CCNY: variants seen among roughly 807,000 people sequenced by gnomAD.
CCNY encodes cyclin Y, also known as cyclin-Y.
In CCNY, 19 loss-of-function variants were observed where a neutral mutation model predicts 42.8. That is an observed-to-expected ratio of 0.44 (90% CI 0.31 to 0.65). The LOEUF (loss-of-function observed/expected upper bound fraction) is 0.65. Among genes scored for constraint, CCNY ranks in the 30% least tolerant of loss-of-function variants. CCNY has a pLI of 0.07. For missense variants in CCNY, 370 were observed against 437.3 expected (o/e 0.85, Z 1.37); for synonymous variants, 165 against 162.7 (o/e 1.01, Z -0.11).
intron 1 of CCNY, among the ~76,000 whole-genome samples, chr10:35,481,452 AT>A (rs1388233361): frequency 7.9e-5 from 12 of 152,204 alleles, no homozygotes; most frequent in Non-Finnish European, 1.5e-4. Context: ...AAAGCTTCAC[AT>A]TTTTTGATTG....
intron 9 of CCNY, among the ~76,000 whole-genome samples, chr10:35,567,073 C>T (rs987270297): frequency 4.6e-5 from 7 of 152,214 alleles, no homozygotes; most frequent in African/African-American, 1.7e-4. Context: ...AAATTATGTC[C>T]CCCCAAAAAG....
At chr10:35,345,132 A>G (rs1036655050) in intron 1 of CCNY, among the ~76,000 whole-genome samples, 1 of 152,172 alleles carries the variant, frequency 6.6e-6, no homozygotes, top group Admixed American at 6.5e-5. Context: ...CTAGTTCTAG[A>G]TCCCTGAGGA....
chr10:35,364,656 T>C (rs1564383528), intron 1 of CCNY, among the ~76,000 whole-genome samples: 1 of 152,250 alleles, frequency 6.6e-6, no homozygotes, highest in Non-Finnish European at 1.5e-5. Context: ...TGCATTAATA[T>C]ATTTATTAGG....
intron 7 of CCNY, among the ~76,000 whole-genome samples, chr10:35,540,743 C>A (rs1318651824): frequency 2.6e-5 from 4 of 152,140 alleles, no homozygotes; most frequent in Non-Finnish European, 5.9e-5. Flanking sequence ...GAGTCAGTTG[C>A]AGTAGTTTGT....
At chr10:35,446,804 C>T (rs1405701267) in intron 1 of CCNY, among the ~76,000 whole-genome samples, 3 of 152,152 alleles carry the variant, frequency 2.0e-5, no homozygotes, top group South Asian at 2.1e-4. Flanking sequence ...CAGGGCTGTT[C>T]GTTGTTCTCC....
chr10:35,550,250 A>G (rs115418037), intron 7 of CCNY, among the ~76,000 whole-genome samples: 1,864 of 122,930 alleles, frequency 0.015, 21 homozygotes, highest in African/African-American at 0.035. Context: ...TACACTGTTC[A>G]TGACCCTGTG....
chr10:35,491,921 C>G (rs935557953), intron 2 of CCNY, among the ~76,000 whole-genome samples: 7 of 152,132 alleles, frequency 4.6e-5, no homozygotes, highest in African/African-American at 7.2e-5. Flanking sequence ...GCCTCATAAC[C>G]TAGTTTTTAA....
chr10:35,264,547 T>C (rs1353562418), intron 3 of CCNY, among the ~76,000 whole-genome samples: 1 of 152,240 alleles, frequency 6.6e-6, no homozygotes, highest in African/African-American at 2.4e-5. Context: ...AGTTTTGATT[T>C]GCATTTCTCT....
At chr10:35,390,392 A>G (rs1410837365) in intron 1 of CCNY, among the ~76,000 whole-genome samples, 1 of 152,230 alleles carries the variant, frequency 6.6e-6, no homozygotes, top group African/African-American at 2.4e-5. Context: ...AGGTGGTTTT[A>G]AAATAGAGCT....
intron 3 of CCNY, among the ~76,000 whole-genome samples, chr10:35,321,607 G>T (rs1835822520): frequency 6.6e-6 from 1 of 152,108 alleles, no homozygotes; most frequent in African/African-American, 2.4e-5. Context: ...GAGTCTGGGT[G>T]GTTGAGGATG....
intron 1 of CCNY, among the ~76,000 whole-genome samples, chr10:35,482,749 G>GGGGTGTGT (rs751774596): frequency 3.1e-5 from 4 of 128,942 alleles, no homozygotes; most frequent in South Asian, 2.8e-4. Flanking sequence ...GCTGGAAATA[G>GGGGTGTGT]GTGTGTGTGT....
At chr10:35,274,981 C>G (rs1835220192) in intron 3 of CCNY, among the ~76,000 whole-genome samples, 1 of 151,544 alleles carries the variant, frequency 6.6e-6, no homozygotes, top group African/African-American at 2.4e-5. Flanking sequence ...ATGACAGAGA[C>G]CACTAGCCAT....
At chr10:35,401,562 C>A (rs1270592130) in intron 1 of CCNY, among the ~76,000 whole-genome samples, 1 of 151,166 alleles carries the variant, frequency 6.6e-6, no homozygotes, top group Non-Finnish European at 1.5e-5. Context: ...TCCTTTCTCC[C>A]TCTGAATTTT....
At chr10:35,285,259 C>A (rs1457939257) in intron 3 of CCNY, among the ~76,000 whole-genome samples, 1 of 152,036 alleles carries the variant, frequency 6.6e-6, no homozygotes, top group African/African-American at 2.4e-5. Flanking sequence ...GGTCTTGAAA[C>A]TCCTGACCTC....
intron 3 of CCNY, among the ~76,000 whole-genome samples, chr10:35,306,972 G>A (rs1250871263): frequency 6.6e-6 from 1 of 151,986 alleles, no homozygotes; most frequent in Non-Finnish European, 1.5e-5. Flanking sequence ...CAGGGAATCA[G>A]TAAGTTCTCT....
At chr10:35,513,402 T>C (rs1166942858) in intron 3 of CCNY, among the ~76,000 whole-genome samples, 1 of 152,180 alleles carries the variant, frequency 6.6e-6, no homozygotes, top group Non-Finnish European at 1.5e-5. Context: ...GTGATGCCCA[T>C]CCTTTGCAAG....
At chr10:35,563,391 T>A (rs1841503800) in intron 8 of CCNY, among the ~76,000 whole-genome samples, 1 of 152,178 alleles carries the variant, frequency 6.6e-6, no homozygotes, top group Non-Finnish European at 1.5e-5. Flanking sequence ...ATGGTGTCTG[T>A]ATATCATTTT....
chr10:35,564,269 G>GA (rs1231264431), intron 8 of CCNY, among the ~76,000 whole-genome samples: 3 of 152,148 alleles, frequency 2.0e-5, no homozygotes, highest in African/African-American at 7.2e-5. Flanking sequence ...AACAAGCAGT[G>GA]ACGCTCTTCA....
upstream of CCNY, among the ~76,000 whole-genome samples, chr10:35,334,740 T>A (rs1835990170): frequency 6.6e-6 from 1 of 152,204 alleles, no homozygotes; most frequent in African/African-American, 2.4e-5. Context: ...AAATATGGAC[T>A]AATAAATGTA....
Sources: allele counts gnomAD v4.1 joint callset (sites outside exome capture counted in the v4.1 genomes callset), GRCh38; gene constraint gnomAD v4.1.1; transcripts MANE v1.5; gene names NCBI Gene and HGNC (gene_info 2026-07-23, HGNC 2026-07-21).